FHAD1: variants seen among roughly 807,000 people sequenced by gnomAD.
The protein encoded by FHAD1 is forkhead-associated domain-containing protein 1.
FHAD1 carries 146 observed loss-of-function variants against 191.3 expected under a neutral mutation model. The ratio of observed to expected loss-of-function variants is 0.76; its 90% CI spans 0.67 to 0.88. FHAD1 has a LOEUF of 0.88. Ranked by LOEUF, FHAD1 falls within the 40% of genes least tolerant of loss-of-function variation. The pLI is 0.00. For synonymous variants in FHAD1, 616 were observed against 672.3 expected (o/e 0.92, Z 1.29); for missense variants, 1,635 against 1,785.8 (o/e 0.92, Z 1.52).
At chr1:15,370,708 A>G (rs1373676573) in intron 26 of FHAD1, among the ~76,000 whole-genome samples, 5 of 152,064 alleles carry the variant, frequency 3.3e-5, no homozygotes, top group African/African-American at 9.7e-5. Context: ...CTCTGTCCCT[A>G]TGACTGGGGC....
chr1:15,272,824 G>A (rs931728590), intron 3 of FHAD1, among the ~76,000 whole-genome samples: 10 of 152,178 alleles, frequency 6.6e-5, no homozygotes, highest in African/African-American at 2.4e-4. Context: ...AACAAGGTGT[G>A]CTTTTGAAAA....
chr1:15,238,174 G>T (rs892726848), intron 1 of FHAD1, among the ~76,000 whole-genome samples: 1 of 148,876 alleles, frequency 6.7e-6, no homozygotes, highest in South Asian at 2.1e-4. Context: ...TTGAACCCGG[G>T]AGGCAGAAGT....
chr1:15,255,881 G>A (rs540671411), intron 2 of FHAD1, among the ~76,000 whole-genome samples: 2 of 152,218 alleles, frequency 1.3e-5, no homozygotes, highest in Non-Finnish European at 2.9e-5. Flanking sequence ...GCCACCGTAA[G>A]GATTTTGATC....
intron 2 of FHAD1, among the ~76,000 whole-genome samples, chr1:15,271,224 A>G (rs1337834291): frequency 1.3e-5 from 2 of 151,946 alleles, no homozygotes; most frequent in African/African-American, 4.8e-5. Flanking sequence ...GAGGCAGAAG[A>G]ATTCCTTGAA....
downstream of FHAD1, among the ~76,000 whole-genome samples, chr1:15,398,670 C>T (rs541551651): frequency 1.6e-4 from 25 of 152,128 alleles, no homozygotes; most frequent in Non-Finnish European, 3.2e-4. Flanking sequence ...CACTCCTGTT[C>T]CACGGTGTTT....
chr1:15,383,405 G>A, intron 31 of FHAD1: 1 of 383,654 alleles, frequency 2.6e-6, no homozygotes, highest in Non-Finnish European at 5.2e-6. Context: ...TCTCCTGGGT[G>A]AGTCCTGCCT....
At chr1:15,307,428 G>A (rs1670847953) in intron 6 of FHAD1, among the ~76,000 whole-genome samples, 1 of 152,172 alleles carries the variant, frequency 6.6e-6, no homozygotes, top group African/African-American at 2.4e-5. Context: ...TTTGAAATGT[G>A]AGGACATGAG....
chr1:15,277,993 C>G (rs1387299363), intron 3 of FHAD1, among the ~76,000 whole-genome samples: 1 of 152,130 alleles, frequency 6.6e-6, no homozygotes, highest in African/African-American at 2.4e-5. Flanking sequence ...AAACGTAACA[C>G]ATTTTTCGGG....
intron 31 of FHAD1, chr1:15,383,483 C>T (rs1433314828): frequency 1.2e-5 from 4 of 343,578 alleles, no homozygotes; most frequent in South Asian, 6.8e-5. Flanking sequence ...AGCACCCGGG[C>T]GGCTTCCAAA....
rs527463533 is a variant in FHAD1, at chr1:15,345,121, G to A, written c.2169G>A (p.Ala723=). The A allele has an allele frequency of 5.5e-5, 86 of 1,551,870 alleles. No individual in the cohort carries two copies. In the African/African-American group the frequency reaches 7.8e-4, roughly 14 times the overall value. ...ACATTACTCAAGAGAGAAACAGAGC[G>A]AAAGAGACTTTAGAGGAAGAACGGA... The part of the protein sequence containing the change: ...EEYITQERNR[A]KETLEEERKR... The change falls in exon 17 of 34, where the codon GCG becomes GCA. Residue 723 remains alanine (A), a synonymous_variant. Coordinates refer to ENST00000688493, the MANE Select transcript of FHAD1 (RefSeq NM_001391957.1).
At chr1:15,236,595 T>C (rs1285265881) in exon 1 of FHAD1, among the ~76,000 whole-genome samples, 1 of 152,210 alleles carries the variant, frequency 6.6e-6, no homozygotes, top group African/African-American at 2.4e-5. Context: ...CCCTTGGGAT[T>C]CAAAGCTGAG....
At chr1:15,303,101 C>A (rs911005990) in intron 6 of FHAD1, among the ~76,000 whole-genome samples, 3 of 152,192 alleles carry the variant, frequency 2.0e-5, no homozygotes, top group Admixed American at 2.0e-4. Context: ...CCCTCTTTTG[C>A]GCTCTGGGAA....
intron 24 of FHAD1, among the ~76,000 whole-genome samples, chr1:15,366,937 G>A (rs1696664244): frequency 1.3e-5 from 2 of 152,160 alleles, no homozygotes; most frequent in Admixed American, 1.3e-4. Context: ...CTAAGCCCGG[G>A]GAAGTGGAGG....
chr1:15,245,952 A>G (rs1339366215), upstream of FHAD1, among the ~76,000 whole-genome samples: 3 of 152,156 alleles, frequency 2.0e-5, no homozygotes, highest in Non-Finnish European at 2.9e-5. Flanking sequence ...TCCTCTTCCT[A>G]TTGACTAGGT....
intron 31 of FHAD1, chr1:15,383,730 C>T (rs55823174): frequency 0.075 from 23,077 of 308,884 alleles, 2,866 homozygotes; most frequent in African/African-American, 0.33. Flanking sequence ...ACTGGGCTCA[C>T]CTGAGCTTTG....
Position 15,381,578 on chromosome 1 carries a change from A to G in FHAD1, c.4022+127A>G. The G allele has an allele frequency of 1.4e-6, 1 of 698,738 alleles. No individual in the cohort carries two copies. Among genetic ancestry groups the G allele is most frequent in the Non-Finnish European group, 2.4e-6 (1 of 412,014 alleles). 43.3% of individuals were successfully genotyped at this position (698,738 alleles called of 1,614,324 possible). ...GAGACCCACGTGTGGAATACCTGCA[A>G]TGTCAGAAGGGGACCAGGGAGGGCA... On this transcript the variant is annotated intron_variant, in intron 30 of 33. Coordinates refer to ENST00000688493, the MANE Select transcript of FHAD1 (RefSeq NM_001391957.1). The surrounding 1 kb of genome is among the most constrained non-coding windows in gnomAD (Gnocchi z 4.6).
In FHAD1 at chr1:15,327,167, G is replaced by A. The variant is rs1679039683; in HGVS notation, c.1557+25G>A. On this transcript the variant is annotated intron_variant, in intron 12 of 33. Transcript: ENST00000688493. This position sits in a 1 kb window ranked among gnomAD's most constrained non-coding sequence, Gnocchi z 5.1. ...GGTTAGTCTGCCGTCCCTGCCACGT[G>A]GCTCCTTCACTTTCCTCTTCTTCTT... 2.0e-6 allele frequency: 3 copies of A among 1,493,048 alleles called. No homozygotes were observed. Among genetic ancestry groups the A allele is most frequent in the Non-Finnish European group, 2.7e-6 (3 of 1,094,954 alleles). 92.5% of individuals were successfully genotyped at this position (1,493,048 alleles called of 1,614,324 possible). A position where few individuals can be genotyped will look rare whatever the true frequency, so the allele number is the denominator to read the frequency against.
chr1:15,381,428 T>C lies in FHAD1; in HGVS notation c.3999T>C (p.Tyr1333=). The C allele has an allele frequency of 6.4e-7, 1 of 1,551,464 alleles. No individual in the cohort carries two copies. The highest frequency in any genetic ancestry group is 8.7e-7 in the Non-Finnish European group (1 of 1,146,988). Residue 1333 remains tyrosine (Y), a synonymous_variant, in exon 30 of 34, where the codon TAT becomes TAC. Transcript: ENST00000688493. This position sits in a 1 kb window ranked among gnomAD's most constrained non-coding sequence, Gnocchi z 4.6. The part of the protein sequence containing the change: ...LGRKEELLRG[Y]EKDVEQLRRS... The stretch of plus-strand genomic sequence containing the variant: ...GGAAAGAGGAGCTGTTGAGAGGATA[T>C]GAAAAGGACGTTGAACAGCTCAGGT...
At chr1:15,392,269 A>C (rs376788327) in intron 33 of FHAD1, among the ~76,000 whole-genome samples, 52 of 152,292 alleles carry the variant, frequency 3.4e-4, no homozygotes, top group East Asian at 2.3e-3. Flanking sequence ...GTGGTGGCTC[A>C]CGCCTGTAAT....
Sources: allele counts gnomAD v4.1 joint callset (sites outside exome capture counted in the v4.1 genomes callset), GRCh38; gene constraint gnomAD v4.1.1; non-coding constraint Gnocchi (gnomAD v3.1); transcripts MANE v1.5; gene names NCBI Gene and HGNC (gene_info 2026-07-23, HGNC 2026-07-21).